CTNNA3: variants seen among roughly 807,000 people sequenced by gnomAD.
CTNNA3 encodes the protein catenin alpha-3.
In CTNNA3, 76 loss-of-function variants were observed where a neutral mutation model predicts 95.7. The ratio of observed to expected loss-of-function variants is 0.79; its 90% CI spans 0.66 to 0.96. The LOEUF (loss-of-function observed/expected upper bound fraction) is 0.96. CTNNA3 is among the 40% of genes least tolerant of loss of function. The probability of loss-of-function intolerance (pLI) is 0.00; values close to 1 mark genes in which losing one functional copy is unlikely to be tolerated. For synonymous variants in CTNNA3, 431 were observed against 374.4 expected, an observed-to-expected ratio of 1.15 and a Z score of -1.74; for missense variants, 1,191 against 1,089.8, an observed-to-expected ratio of 1.09 and a Z score of -1.31.
chr10:66,763,341 C>CACACAGAGAG (rs371974709), intron 9 of CTNNA3, among the ~76,000 whole-genome samples: 3 of 139,104 alleles, frequency 2.2e-5, no homozygotes, highest in African/African-American at 8.1e-5. Flanking sequence ...CACACACACA[C>CACACAGAGAG]AGAGAGAGAG....
chr10:66,103,373 C>T (rs2081733078), intron 13 of CTNNA3, 124 bp from the exon 14 acceptor site: 5 of 696,728 alleles, frequency 7.2e-6, no homozygotes, highest in East Asian at 2.7e-5. Flanking sequence ...ATTTCACTCC[C>T]AGTTATATAC....
At chr10:66,121,057 C>T (rs1007222740) in intron 13 of CTNNA3, among the ~76,000 whole-genome samples, 2 of 152,142 alleles carry the variant, frequency 1.3e-5, no homozygotes, top group Non-Finnish European at 2.9e-5. Flanking sequence ...GTCCTATATA[C>T]ATAACATGAA....
At chr10:66,672,633 C>A (rs1329633201) in intron 9 of CTNNA3, among the ~76,000 whole-genome samples, 2 of 152,044 alleles carry the variant, frequency 1.3e-5, no homozygotes, top group Non-Finnish European at 2.9e-5. Flanking sequence ...CTGGTTCCTA[C>A]AAGGTATTTG....
chr10:65,950,774 T>C (rs1023799651), intron 17 of CTNNA3, among the ~76,000 whole-genome samples: 5 of 152,228 alleles, frequency 3.3e-5, no homozygotes, highest in African/African-American at 1.2e-4. Context: ...ATTTGACATA[T>C]GAATAAGAAT....
In CTNNA3 at chr10:66,943,763, G is replaced by A. The variant is rs138089885; in HGVS notation, c.1048-168239C>T. On this transcript the variant is annotated intron_variant, in intron 7 of 17. Transcript: ENST00000433211. The stretch of plus-strand genomic sequence containing the variant: ...AGAACCCCACCATAAAGTGCATATC[G>A]CAATAAAATGAGTCACACAAATTTT... Among the ~76,000 whole-genome samples the A allele has an allele frequency of 9.3e-3, 1,422 of 152,160 alleles. 94 individuals are homozygous for A. Among genetic ancestry groups the A allele is most frequent in the Admixed American group, 0.082 (1,253 of 15,278 alleles).
At chr10:66,059,155 G>T (rs764323005) in intron 15 of CTNNA3, among the ~76,000 whole-genome samples, 17 of 152,002 alleles carry the variant, frequency 1.1e-4, no homozygotes, top group Non-Finnish European at 2.2e-4. Context: ...TATTTTCAGA[G>T]GGGGGAGTAT....
chr10:66,004,247 T>A (rs1367465996), intron 15 of CTNNA3, among the ~76,000 whole-genome samples: 2 of 152,196 alleles, frequency 1.3e-5, no homozygotes, highest in Admixed American at 6.5e-5. Flanking sequence ...AGAAACAAGA[T>A]ATTCCCAGCC....
chr10:67,507,333 G>T (rs1183725217), intron 5 of CTNNA3, among the ~76,000 whole-genome samples: 1 of 151,926 alleles, frequency 6.6e-6, no homozygotes, highest in Non-Finnish European at 1.5e-5. Flanking sequence ...TTCAAGACTA[G>T]CCTGGCCAAC....
At chr10:66,774,985 ACT>A (rs1397015613) in intron 8 of CTNNA3, among the ~76,000 whole-genome samples, 1 of 152,218 alleles carries the variant, frequency 6.6e-6, no homozygotes, top group Non-Finnish European at 1.5e-5. Context: ...TCTCTGAATT[ACT>A]TACTAGTTAA....
In CTNNA3 at chr10:66,134,228, T is replaced by C. The variant is rs539987158; in HGVS notation, c.1885-30979A>G. On this transcript the variant is annotated intron_variant, in intron 13 of 17. Transcript: ENST00000433211. ...AAGAGGTATTAAGACTCCACAAATA[T>C]GTCATTTCCACCCTGTTAGACTAGC... Among the ~76,000 whole-genome samples, 108 of 152,274 alleles carry C rather than the reference T, an allele frequency of 7.1e-4. 1 individual carries two copies. The Middle Eastern group carries it at 0.017, about 24-fold the overall frequency.
chr10:67,203,835 C>A (rs897842862), intron 6 of CTNNA3, among the ~76,000 whole-genome samples: 2 of 152,144 alleles, frequency 1.3e-5, no homozygotes, highest in African/African-American at 4.8e-5. Context: ...AATCTGGTTT[C>A]CAAGCCAGAT....
chr10:67,652,074 G>T (rs1034313241), intron 1 of CTNNA3, among the ~76,000 whole-genome samples: 2 of 152,236 alleles, frequency 1.3e-5, no homozygotes, highest in African/African-American at 4.8e-5. Flanking sequence ...CCCATCTGGT[G>T]TCTGGTGAGG....
At chr10:66,241,041 A>G (rs1449689202) in intron 13 of CTNNA3, among the ~76,000 whole-genome samples, 1 of 143,582 alleles carries the variant, frequency 7.0e-6, no homozygotes, top group Non-Finnish European at 1.5e-5. Context: ...TACACATAAG[A>G]ATGAGAAACT....
At position 65,988,731 on chromosome 10, in the gene CTNNA3, T is replaced by C. The variant is rs756535832; in HGVS notation, c.2226A>G (p.Gly742=). The C allele has an allele frequency of 3.7e-6, 6 of 1,613,914 alleles. No homozygotes were observed. In the East Asian group the frequency reaches 1.3e-4, roughly 36 times the overall value. Residue 742 remains glycine (G), a synonymous_variant, in exon 16 of 18, where the codon GGA becomes GGG. Coordinates refer to ENST00000433211, the MANE Select transcript of CTNNA3 (RefSeq NM_013266.4). ...IYAAKMISES[G]SRMDVLARQI... is the part of the protein sequence containing the mutation. ...GCCGAGCAAGGACATCCATCCTTGA[T>C]CCTGATTCTGATATCATTTTCGCTG...
At chr10:67,626,819 C>A (rs1033056018) in intron 2 of CTNNA3, among the ~76,000 whole-genome samples, 7 of 152,138 alleles carry the variant, frequency 4.6e-5, no homozygotes, top group Non-Finnish European at 8.8e-5. Flanking sequence ...ATATTATCTA[C>A]ATGATATCAA....
chr10:66,338,622 A>G (rs979646740), intron 12 of CTNNA3, among the ~76,000 whole-genome samples: 6 of 151,884 alleles, frequency 4.0e-5, no homozygotes, highest in African/African-American at 1.4e-4. Flanking sequence ...GAATAAGATC[A>G]ACACAGAATA....
intron 11 of CTNNA3, among the ~76,000 whole-genome samples, chr10:66,444,545 C>G (rs2093403016): frequency 6.6e-6 from 1 of 152,118 alleles, no homozygotes; most frequent in African/African-American, 2.4e-5. Flanking sequence ...AAAGAATTTT[C>G]AACCCAGAAT....
chr10:66,356,125 T>TG (rs1554943259), intron 12 of CTNNA3, among the ~76,000 whole-genome samples: 1 of 131,066 alleles, frequency 7.6e-6, no homozygotes, highest in Non-Finnish European at 1.8e-5. Context: ...TTGTTTTGTT[T>TG]TTTTTTTTTT....
chr10:67,371,894 T>C (rs942855622), intron 5 of CTNNA3, among the ~76,000 whole-genome samples: 5 of 152,188 alleles, frequency 3.3e-5, no homozygotes, highest in Non-Finnish European at 7.4e-5. Flanking sequence ...GCACCTGCTG[T>C]TTCCTGACTT....
Sources: gnomAD v4.1 joint callset for allele counts (sites outside exome capture counted in the v4.1 genomes callset) on GRCh38, gnomAD v4.1.1 for gene constraint, MANE v1.5 for transcripts, NCBI Gene and HGNC (gene_info 2026-07-23, HGNC 2026-07-21) for gene names.